The following MMP26 variants were observed in gnomAD, a reference collection of about 807,000 sequenced individuals.
The protein encoded by MMP26 is matrix metalloproteinase-26.
MMP26 carries 33 observed loss-of-function variants against 31.0 expected under a neutral mutation model. The ratio of observed to expected loss-of-function variants is 1.06; its 90% confidence interval spans 0.81 to 1.42. The LOEUF is 1.42. MMP26 is among the 40% of genes most tolerant of loss of function. The probability of loss-of-function intolerance (pLI) is 0.00; values close to 1 mark genes in which losing one functional copy is unlikely to be tolerated. For missense variants in MMP26, 347 were observed against 316.1 expected (o/e 1.10, Z -0.74); for synonymous variants, 122 against 114.9 (o/e 1.06, Z -0.40).
rs183984022 is a variant in MMP26, at chr11:4,957,993, C to T, written c.-144-30075C>T. 5.9e-3 allele frequency among the ~76,000 whole-genome samples: 900 copies of T among 152,250 alleles called. 10 individuals are homozygous for T. The highest frequency in any genetic ancestry group is 6.0e-3 in the Non-Finnish European group (408 of 68,020). On this transcript the variant is annotated intron_variant, in intron 2 of 7. Transcript: ENST00000380390. ...GCTTAATTTTGACACAACTAGGCAC[C>T]TCCAGAATTGTCTTCCCAGCAGAAA...
intron 2 of MMP26, among the ~76,000 whole-genome samples, chr11:4,857,879 G>C (rs527392365): frequency 6.6e-6 from 1 of 152,150 alleles, no homozygotes; most frequent in Non-Finnish European, 1.5e-5. Context: ...TATCCGCCAC[G>C]ATCATGTTGG....
intron 2 of MMP26, chr11:4,787,521 C>T (rs1278092083): frequency 6.6e-6 from 1 of 152,248 alleles, no homozygotes; most frequent in African/African-American, 2.4e-5. Context: ...TCTACATTCC[C>T]TGGGTTGTTC....
At chr11:4,933,931 C>A (rs1408229283) in intron 2 of MMP26, among the ~76,000 whole-genome samples, 2 of 147,848 alleles carry the variant, frequency 1.4e-5, no homozygotes, top group African/African-American at 5.0e-5. Context: ...GCATAGTATT[C>A]CATGGTGTAT....
intron 2 of MMP26, among the ~76,000 whole-genome samples, chr11:4,879,857 G>A (rs950805730): frequency 6.6e-5 from 10 of 152,234 alleles, no homozygotes; most frequent in African/African-American, 2.2e-4. Flanking sequence ...TGAAAACAGA[G>A]AACAATGGGA....
chr11:4,898,709 G>A (rs1297068026), intron 2 of MMP26, among the ~76,000 whole-genome samples: 3 of 151,928 alleles, frequency 2.0e-5, no homozygotes, highest in South Asian at 4.2e-4. Context: ...ATATATAGGG[G>A]ACATTTACTT....
chr11:4,865,555 A>G (rs926525769), intron 2 of MMP26, among the ~76,000 whole-genome samples: 2 of 151,668 alleles, frequency 1.3e-5, no homozygotes, highest in East Asian at 1.9e-4. Flanking sequence ...GAAAAATACC[A>G]CTCTCCCACC....
intron 2 of MMP26, among the ~76,000 whole-genome samples, chr11:4,881,523 C>T (rs1850462880): frequency 1.3e-5 from 2 of 152,056 alleles, no homozygotes; most frequent in Non-Finnish European, 2.9e-5. Context: ...TTGCTTATTT[C>T]TCATCTCTAC....
chr11:4,936,679 G>T (rs1384287851), intron 2 of MMP26, among the ~76,000 whole-genome samples: 1 of 152,114 alleles, frequency 6.6e-6, no homozygotes, highest in Non-Finnish European at 1.5e-5. Context: ...TGCAGAAAAG[G>T]TTTAAAAAGC....
chr11:4,932,029 G>A (rs1013571566), intron 2 of MMP26, among the ~76,000 whole-genome samples: 1 of 151,962 alleles, frequency 6.6e-6, no homozygotes, highest in Admixed American at 6.6e-5. Context: ...GCAAAGTAAC[G>A]ATATTTTAAG....
chr11:4,776,967 T>C (rs1244866566), intron 2 of MMP26, among the ~76,000 whole-genome samples: 2 of 152,132 alleles, frequency 1.3e-5, no homozygotes, highest in African/African-American at 4.8e-5. Flanking sequence ...AAAATATGTA[T>C]ACTATGCTTA....
intron 2 of MMP26, among the ~76,000 whole-genome samples, chr11:4,880,669 C>A (rs1189264432): frequency 6.6e-6 from 1 of 152,088 alleles, no homozygotes. Flanking sequence ...AAACTTCTGG[C>A]AGAAGAACAC....
At chr11:4,804,247 T>C (rs1434456715) in intron 2 of MMP26, 1 of 1,613,786 alleles carries the variant, frequency 6.2e-7, no homozygotes, top group Admixed American at 1.7e-5. Context: ...GAGAGTGATA[T>C]TTCCAACAAC....
intron 2 of MMP26, among the ~76,000 whole-genome samples, chr11:4,856,674 G>T (rs1219192805): frequency 6.6e-6 from 1 of 152,078 alleles, no homozygotes; most frequent in Non-Finnish European, 1.5e-5. Context: ...GAGACAGAAG[G>T]TTAACAAGGA....
intron 2 of MMP26, among the ~76,000 whole-genome samples, chr11:4,857,060 C>T (rs2133506600): frequency 6.6e-6 from 1 of 152,204 alleles, no homozygotes; most frequent in South Asian, 2.1e-4. Flanking sequence ...ATCTCTGGGA[C>T]ACATTTAAAG....
intron 2 of MMP26, among the ~76,000 whole-genome samples, chr11:4,965,984 T>C (rs1354071956): frequency 2.6e-4 from 40 of 152,326 alleles, no homozygotes; most frequent in Non-Finnish European, 8.8e-5. Flanking sequence ...GGATTTTTTA[T>C]ACCGTTTAAG....
chr11:4,896,295 G>C (rs1382660397), intron 2 of MMP26, among the ~76,000 whole-genome samples: 1 of 152,028 alleles, frequency 6.6e-6, no homozygotes, highest in East Asian at 1.9e-4. Flanking sequence ...AGTGCCCCAC[G>C]TCTGCTTGCC....
At chr11:4,738,813 A>G (rs1283975574) in intron 1 of MMP26, among the ~76,000 whole-genome samples, 1 of 152,190 alleles carries the variant, frequency 6.6e-6, no homozygotes, top group East Asian at 1.9e-4. Flanking sequence ...TTAAGAAAAA[A>G]AAACCTCTAT....
chr11:4,824,924 C>T (rs757211764), intron 2 of MMP26, among the ~76,000 whole-genome samples: 1 of 152,108 alleles, frequency 6.6e-6, no homozygotes, highest in Non-Finnish European at 1.5e-5. Flanking sequence ...CCTTCAAGAT[C>T]CACTCTACTC....
intron 2 of MMP26, among the ~76,000 whole-genome samples, chr11:4,841,097 T>A (rs1223183963): frequency 6.6e-6 from 1 of 152,170 alleles, no homozygotes; most frequent in East Asian, 1.9e-4. Flanking sequence ...GAAGACAGGC[T>A]ATTTGAAAAT....
Sources: gnomAD v4.1 joint callset for allele counts (sites outside exome capture counted in the v4.1 genomes callset) on GRCh38, gnomAD v4.1.1 for gene constraint, MANE v1.5 for transcripts, NCBI Gene and HGNC (gene_info 2026-07-23, HGNC 2026-07-21) for gene names.